Variants in PLCXD3 observed in about 807,000 individuals in gnomAD.
PLCXD3 encodes phosphatidylinositol specific phospholipase C X domain containing 3.
In PLCXD3, 19 loss-of-function variants were observed where a neutral mutation model predicts 25.5. The ratio of observed to expected loss-of-function variants is 0.75; its 90% CI spans 0.52 to 1.09. The LOEUF is 1.09. Among genes scored for constraint, PLCXD3 ranks in the 50% least tolerant of loss-of-function variants. The probability of loss-of-function intolerance (pLI) is 0.00; values close to 1 mark genes in which losing one functional copy is unlikely to be tolerated. For missense variants in PLCXD3, 411 were observed against 388.1 expected, an observed-to-expected ratio of 1.06 and a Z score of -0.50; for synonymous variants, 174 against 137.6, an observed-to-expected ratio of 1.26 and a Z score of -1.85.
intron 1 of PLCXD3, among the ~76,000 whole-genome samples, chr5:41,492,321 C>T (rs866338020): frequency 3.2e-4 from 48 of 152,310 alleles, no homozygotes; most frequent in African/African-American, 1.0e-3. Flanking sequence ...GTCTGATGGG[C>T]TTCCCTTTGT....
chr5:41,420,475 T>G (rs950798097), intron 1 of PLCXD3, among the ~76,000 whole-genome samples: 9 of 152,158 alleles, frequency 5.9e-5, no homozygotes, highest in Non-Finnish European at 1.2e-4. Context: ...AAAACAAGAT[T>G]ATAATAATCA....
intron 1 of PLCXD3, among the ~76,000 whole-genome samples, chr5:41,492,750 C>T (rs548372825): frequency 1.2e-4 from 19 of 152,348 alleles, no homozygotes; most frequent in South Asian, 4.1e-4. Context: ...GCATTCTTCA[C>T]GTAGTTCTCG....
At chr5:41,478,495 T>G (rs1370574394) in intron 1 of PLCXD3, among the ~76,000 whole-genome samples, 1 of 152,210 alleles carries the variant, frequency 6.6e-6, no homozygotes, top group East Asian at 1.9e-4. Flanking sequence ...CATTAATAAG[T>G]TGAAAGTATA....
chr5:41,412,147 G>A (rs1746565968), intron 1 of PLCXD3, among the ~76,000 whole-genome samples: 1 of 151,886 alleles, frequency 6.6e-6, no homozygotes, highest in Non-Finnish European at 1.5e-5. Context: ...GTTTAGACTG[G>A]ATTCAAATCG....
At chr5:41,408,418 C>T (rs1746414873) in intron 1 of PLCXD3, among the ~76,000 whole-genome samples, 1 of 152,114 alleles carries the variant, frequency 6.6e-6, no homozygotes, top group South Asian at 2.1e-4. Context: ...CACAAACACA[C>T]ATACATGTTG....
chr5:41,350,826 A>G (rs779746386), intron 2 of PLCXD3, among the ~76,000 whole-genome samples: 4 of 152,188 alleles, frequency 2.6e-5, no homozygotes, highest in Non-Finnish European at 5.9e-5. Context: ...AAAATCTCTT[A>G]TATGTTAAAT....
chr5:41,309,906 A>G lies in PLCXD3; in HGVS notation c.*3711T>C, dbSNP rs1463200993. The G allele has an allele frequency of 6.6e-6, 1 of 152,142 alleles. No individual in the cohort carries two copies. The highest frequency in any genetic ancestry group is 2.4e-5 in the African/African-American group (1 of 41,448). The allele number at this position is 152,142 out of a possible 1,614,324, so 9.4% of individuals were successfully genotyped here. A position where few individuals can be genotyped will look rare whatever the true frequency, so the allele number is the denominator to read the frequency against. On this transcript the variant is annotated 3_prime_UTR_variant, in exon 3 of 3. Coordinates refer to ENST00000377801, the MANE Select transcript of PLCXD3 (RefSeq NM_001005473.3). Reference sequence around the variant, plus strand: ...GAATTATGTTTATATCTACTAATGTAGGAGATATTGATTTTAAGAGTTGAA... The same window carrying G: ...GAATTATGTTTATATCTACTAATGTGGGAGATATTGATTTTAAGAGTTGAA...
At chr5:41,467,152 C>T (rs1467402704) in intron 1 of PLCXD3, among the ~76,000 whole-genome samples, 1 of 152,144 alleles carries the variant, frequency 6.6e-6, no homozygotes, top group Non-Finnish European at 1.5e-5. Flanking sequence ...ATAATGGCTA[C>T]ACTAATTTAC....
At chr5:41,345,461 G>A (rs1744271841) in intron 2 of PLCXD3, among the ~76,000 whole-genome samples, 1 of 152,100 alleles carries the variant, frequency 6.6e-6, no homozygotes, top group African/African-American at 2.4e-5. Context: ...TATCTACTCT[G>A]ATGCACTAAG....
At chr5:41,448,738 G>C (rs1346297677) in intron 1 of PLCXD3, among the ~76,000 whole-genome samples, 2 of 152,056 alleles carry the variant, frequency 1.3e-5, no homozygotes, top group Non-Finnish European at 2.9e-5. Context: ...TTAAATAGAG[G>C]AGAAGCTCAG....
intron 1 of PLCXD3, among the ~76,000 whole-genome samples, chr5:41,479,834 A>G (rs191624073): frequency 2.7e-4 from 41 of 152,330 alleles, no homozygotes; most frequent in Admixed American, 2.5e-3. Flanking sequence ...TATATTTTAG[A>G]AAAGAACCCT....
chr5:41,395,887 C>A (rs906792079), intron 1 of PLCXD3, among the ~76,000 whole-genome samples: 1 of 151,214 alleles, frequency 6.6e-6, no homozygotes, highest in Non-Finnish European at 1.5e-5. Flanking sequence ...TAAAGAATAA[C>A]AAATACCAAT....
intron 2 of PLCXD3, among the ~76,000 whole-genome samples, 159 bp downstream of exon 2, chr5:41,381,667 T>C (rs1745464751): frequency 6.6e-6 from 1 of 152,104 alleles, no homozygotes; most frequent in African/African-American, 2.4e-5. Context: ...TGAGATAATA[T>C]ATTTTTATTC....
chr5:41,479,461 T>A (rs568741057), intron 1 of PLCXD3, among the ~76,000 whole-genome samples: 1 of 152,170 alleles, frequency 6.6e-6, no homozygotes, highest in Non-Finnish European at 1.5e-5. Flanking sequence ...CAGAATTGTA[T>A]GCCTAAAATC....
chr5:41,399,190 G>C (rs966010745), intron 1 of PLCXD3, among the ~76,000 whole-genome samples: 1 of 152,014 alleles, frequency 6.6e-6, no homozygotes, highest in Non-Finnish European at 1.5e-5. Context: ...GAAAGAAATT[G>C]AAGAGGACAC....
At chr5:41,353,997 G>A (rs1744545870) in intron 2 of PLCXD3, among the ~76,000 whole-genome samples, 1 of 152,068 alleles carries the variant, frequency 6.6e-6, no homozygotes, top group Non-Finnish European at 1.5e-5. Flanking sequence ...CCTTCCACTG[G>A]TTTCTGAGAA....
At chr5:41,494,691 G>A (rs1023302851) in intron 1 of PLCXD3, among the ~76,000 whole-genome samples, 2 of 152,192 alleles carry the variant, frequency 1.3e-5, no homozygotes, top group Non-Finnish European at 2.9e-5. Flanking sequence ...GGATATATGA[G>A]GATAGAGTCC....
At chr5:41,368,676 T>G (rs914988191) in intron 2 of PLCXD3, among the ~76,000 whole-genome samples, 6 of 152,188 alleles carry the variant, frequency 3.9e-5, no homozygotes, top group Non-Finnish European at 7.3e-5. Context: ...TGTGGATTTG[T>G]CCTATATGGC....
chr5:41,419,474 T>C (rs1330881512), intron 1 of PLCXD3, among the ~76,000 whole-genome samples: 1 of 152,228 alleles, frequency 6.6e-6, no homozygotes, highest in Non-Finnish European at 1.5e-5. Context: ...GTCAGTCACA[T>C]CTTCATGATG....
Sources: gnomAD v4.1 joint callset for allele counts (sites outside exome capture counted in the v4.1 genomes callset) on GRCh38, gnomAD v4.1.1 for gene constraint, MANE v1.5 for transcripts, NCBI Gene and HGNC (gene_info 2026-07-23, HGNC 2026-07-21) for gene names.